Variants in HDAC9 observed in about 807,000 individuals in gnomAD.
The protein encoded by HDAC9 is histone deacetylase 9.
HDAC9 carries 41 observed loss-of-function variants against 139.4 expected under a neutral mutation model. That is an observed-to-expected ratio of 0.29 (90% CI 0.23 to 0.38). The LOEUF (loss-of-function observed/expected upper bound fraction) is 0.38, where lower values mean the gene tolerates loss of function less well. Ranked by LOEUF, HDAC9 falls within the 10% of genes least tolerant of loss-of-function variation. HDAC9 has a pLI of 1.00. For missense variants in HDAC9, 1,147 were observed against 1,297.0 expected (o/e 0.88, Z 1.78); for synonymous variants, 517 against 476.2 (o/e 1.09, Z -1.12).
chr7:18,507,002 A>G (rs1799968952), intron 2 of HDAC9, among the ~76,000 whole-genome samples: 1 of 152,088 alleles, frequency 6.6e-6, no homozygotes, highest in Non-Finnish European at 1.5e-5. Flanking sequence ...ACTTTGCTCT[A>G]AAATTAGAAT....
intron 2 of HDAC9, among the ~76,000 whole-genome samples, chr7:18,269,429 C>T (rs373469128): frequency 6.6e-6 from 1 of 152,006 alleles, no homozygotes; most frequent in African/African-American, 2.4e-5. Flanking sequence ...ATCCTAAAGT[C>T]TAAAGGTTTA....
intron 11 of HDAC9, among the ~76,000 whole-genome samples, chr7:18,649,981 T>A (rs1474447100): frequency 6.6e-6 from 1 of 152,194 alleles, no homozygotes; most frequent in African/African-American, 2.4e-5. Context: ...ATTTTATTGC[T>A]GTAGCACTTC....
In HDAC9 at chr7:18,996,006, C is replaced by T; in HGVS notation, c.3171-17C>T. The T allele has an allele frequency of 6.3e-7, 1 of 1,588,372 alleles. No individual in the cohort carries two copies. On this transcript the variant is annotated splice_polypyrimidine_tract_variant and intron_variant, in intron 25 of 25. Transcript: ENST00000686413. ...GTACTCTTATGCCGTATTCTGATTG[C>T]CTGTTTATTTTTACAGAACTGCTGG...
chr7:18,221,556 T>A (rs1478619371), intron 2 of HDAC9, among the ~76,000 whole-genome samples: 1 of 152,184 alleles, frequency 6.6e-6, no homozygotes, highest in African/African-American at 2.4e-5. Context: ...ATGTTATTCC[T>A]ATTTTACAGA....
At chr7:18,605,751 G>A (rs562187550) in intron 6 of HDAC9, among the ~76,000 whole-genome samples, 17 of 152,140 alleles carry the variant, frequency 1.1e-4, no homozygotes, top group Admixed American at 3.3e-4. Context: ...CATGATCTCG[G>A]CTCACTGCAA....
intron 16 of HDAC9, among the ~76,000 whole-genome samples, chr7:18,783,896 A>G (rs1301723079): frequency 6.6e-6 from 1 of 151,968 alleles, no homozygotes; most frequent in Non-Finnish European, 1.5e-5. Context: ...CCATGCTATC[A>G]TTTCCTTAAG....
intron 1 of HDAC9, among the ~76,000 whole-genome samples, chr7:18,145,751 C>A (rs17138662): frequency 6.6e-5 from 10 of 151,982 alleles, no homozygotes; most frequent in Admixed American, 2.0e-4. Context: ...TGTGCTGAAT[C>A]TTTGATAGGG....
At chr7:18,751,699 T>C (rs1220633809) in intron 14 of HDAC9, among the ~76,000 whole-genome samples, 1 of 152,108 alleles carries the variant, frequency 6.6e-6, no homozygotes, top group Non-Finnish European at 1.5e-5. Context: ...TGAATGATAT[T>C]AGAAAAATTC....
chr7:18,459,196 C>T (rs1195479140), intron 1 of HDAC9, among the ~76,000 whole-genome samples: 3 of 152,074 alleles, frequency 2.0e-5, no homozygotes, highest in Non-Finnish European at 4.4e-5. Flanking sequence ...TTATCTTAGG[C>T]CCCTGCATTC....
At position 18,684,004 on chromosome 7, in the gene HDAC9, C is replaced by T. The variant is rs995248326; in HGVS notation, c.1731+17528C>T. 7.9e-5 allele frequency among the ~76,000 whole-genome samples: 12 copies of T among 152,000 alleles called. 1 individual carries two copies. Among genetic ancestry groups the T allele is most frequent in the African/African-American group, 2.9e-4 (12 of 41,484 alleles). On this transcript the variant is annotated intron_variant, in intron 12 of 25. Transcript: ENST00000686413. ...AGGCGCAGTGGCTCACACCAATAAT[C>T]CCAGCCCTTTGGGAGGACAAAATGA... is the stretch of plus-strand genomic sequence containing the variant.
At chr7:18,593,342 A>C (rs1275048612) in intron 5 of HDAC9, among the ~76,000 whole-genome samples, 2 of 152,062 alleles carry the variant, frequency 1.3e-5, no homozygotes, top group Non-Finnish European at 2.9e-5. Context: ...AGGAAAAAGA[A>C]AACATTTAAA....
chr7:18,477,649 C>T (rs1466235391), intron 1 of HDAC9, among the ~76,000 whole-genome samples: 2 of 152,042 alleles, frequency 1.3e-5, no homozygotes, highest in East Asian at 3.9e-4. Context: ...AAACTTAAAG[C>T]CAGAGAGGAG....
intron 1 of HDAC9, among the ~76,000 whole-genome samples, chr7:18,454,949 G>A (rs1479710279): frequency 6.6e-6 from 1 of 152,050 alleles, no homozygotes; most frequent in African/African-American, 2.4e-5. Context: ...GGAGGAGGAT[G>A]GCGTCAGAAT....
chr7:18,356,771 C>G (rs1385706542), intron 1 of HDAC9, among the ~76,000 whole-genome samples: 1 of 151,864 alleles, frequency 6.6e-6, no homozygotes, highest in Admixed American at 6.6e-5. Flanking sequence ...CAGATCGCAT[C>G]GGAAGAATCC....
chr7:18,795,930 G>C (rs1344989851), intron 17 of HDAC9, among the ~76,000 whole-genome samples: 1 of 152,162 alleles, frequency 6.6e-6, no homozygotes, highest in Non-Finnish European at 1.5e-5. Flanking sequence ...GAAGAAAATA[G>C]GGAAGCTTAT....
chr7:18,945,972 G>C (rs1406212758), intron 23 of HDAC9, among the ~76,000 whole-genome samples: 1 of 140,020 alleles, frequency 7.1e-6, no homozygotes, highest in East Asian at 2.2e-4. Flanking sequence ...AGGAGGCAGA[G>C]GTTGCATTGA....
At chr7:18,469,928 A>C (rs1303502393) in intron 1 of HDAC9, among the ~76,000 whole-genome samples, 2 of 152,196 alleles carry the variant, frequency 1.3e-5, no homozygotes, top group African/African-American at 4.8e-5. Flanking sequence ...AGTAGCAGAG[A>C]GGAATATAAG....
intron 1 of HDAC9, among the ~76,000 whole-genome samples, chr7:18,374,446 A>T (rs993296367): frequency 1.3e-5 from 2 of 152,062 alleles, no homozygotes; most frequent in Non-Finnish European, 2.9e-5. Flanking sequence ...CACCTAGGCT[A>T]TATGGTATAG....
intron 2 of HDAC9, among the ~76,000 whole-genome samples, chr7:18,162,950 CA>C (rs1787747518): frequency 6.6e-6 from 1 of 152,170 alleles, no homozygotes. Flanking sequence ...ATTTTTGGAG[CA>C]AACACAATCC....
Sources: gnomAD v4.1 joint callset for allele counts (sites outside exome capture counted in the v4.1 genomes callset) on GRCh38, gnomAD v4.1.1 for gene constraint, MANE v1.5 for transcripts, NCBI Gene and HGNC (gene_info 2026-07-23, HGNC 2026-07-21) for gene names.